The following SLC2A9 variants were observed in gnomAD, a reference collection of about 807,000 sequenced individuals.
SLC2A9 encodes solute carrier family 2 member 9.
Under a neutral mutation model 50.6 loss-of-function variants are expected in SLC2A9, and 39 were observed. The ratio of observed to expected loss-of-function variants is 0.77; its 90% confidence interval spans 0.60 to 1.01. The LOEUF (loss-of-function observed/expected upper bound fraction) is 1.01. Ranked by LOEUF, SLC2A9 falls within the 50% of genes least tolerant of loss-of-function variation. SLC2A9 has a pLI of 0.00. For synonymous variants in SLC2A9, 324 were observed against 276.9 expected (o/e 1.17, Z -1.69); for missense variants, 686 against 677.6 (o/e 1.01, Z -0.14).
At chr4:10,030,821 C>T (rs1266354924) in intron 1 of SLC2A9, among the ~76,000 whole-genome samples, 2 of 152,146 alleles carry the variant, frequency 1.3e-5, no homozygotes, top group African/African-American at 4.8e-5. Flanking sequence ...TAGACCCCAC[C>T]AGGCCGCTTT....
At chr4:9,829,549 G>A (rs1725713371) in intron 11 of SLC2A9, among the ~76,000 whole-genome samples, 1 of 150,758 alleles carries the variant, frequency 6.6e-6, no homozygotes, top group African/African-American at 2.4e-5. Context: ...CTTCTCCACT[G>A]CAAAAGAAAC....
intron 8 of SLC2A9, among the ~76,000 whole-genome samples, chr4:9,899,295 G>A (rs1739165949): frequency 6.6e-6 from 1 of 152,206 alleles, no homozygotes; most frequent in South Asian, 2.1e-4. Flanking sequence ...CAAAAGGATG[G>A]GAGAAAGGAG....
At chr4:10,033,729 G>A (rs554897490) in intron 1 of SLC2A9, among the ~76,000 whole-genome samples, 56 of 152,326 alleles carry the variant, frequency 3.7e-4, no homozygotes, top group Non-Finnish European at 7.8e-4. Flanking sequence ...AACACCTGCA[G>A]CTGCCTGGCC....
At chr4:9,857,546 G>A (rs1195191692) in intron 10 of SLC2A9, among the ~76,000 whole-genome samples, 1 of 152,180 alleles carries the variant, frequency 6.6e-6, no homozygotes, top group East Asian at 1.9e-4. Context: ...GGCTTTTGTT[G>A]GCTTTTCACA....
At chr4:9,973,150 G>A (rs1289855959) in intron 5 of SLC2A9, among the ~76,000 whole-genome samples, 3 of 152,178 alleles carry the variant, frequency 2.0e-5, no homozygotes, top group Non-Finnish European at 2.9e-5. Flanking sequence ...AATATCTTCA[G>A]AGACTATTAT....
At chr4:9,782,824 C>A (rs778270524) in intron 3 of SLC2A9, 2 of 1,613,326 alleles carry the variant, frequency 1.2e-6, no homozygotes, top group African/African-American at 1.3e-5. Context: ...TGGAGAGGGC[C>A]GCAGAGCACG....
chr4:10,000,761 C>A (rs1334524774), intron 2 of SLC2A9, among the ~76,000 whole-genome samples: 1 of 152,184 alleles, frequency 6.6e-6, no homozygotes, highest in East Asian at 1.9e-4. Flanking sequence ...CCTTACTAAA[C>A]CAGTGTGGAA....
chr4:9,985,936 C>T (rs1467575586), intron 3 of SLC2A9, 143 bp from the exon 4 acceptor site: 1 of 1,181,412 alleles, frequency 8.5e-7, no homozygotes, highest in Non-Finnish European at 1.2e-6. Context: ...CTGGCCTTGC[C>T]ACCTCTGGCT....
At chr4:9,852,228 G>A (rs1372794075) in intron 10 of SLC2A9, among the ~76,000 whole-genome samples, 1 of 150,756 alleles carries the variant, frequency 6.6e-6, no homozygotes. Flanking sequence ...GAAGATACTG[G>A]GGGCCTATAT....
At chr4:9,873,288 T>G (rs1419831375) in intron 10 of SLC2A9, among the ~76,000 whole-genome samples, 1 of 152,212 alleles carries the variant, frequency 6.6e-6, no homozygotes, top group Non-Finnish European at 1.5e-5. Context: ...TCTAGTAGGC[T>G]CTCAGTGATT....
chr4:10,011,695 T>C (rs1761786006), intron 2 of SLC2A9, among the ~76,000 whole-genome samples: 1 of 152,182 alleles, frequency 6.6e-6, no homozygotes, highest in African/African-American at 2.4e-5. Context: ...AGTAGATGGA[T>C]AGACAGAAAG....
At chr4:9,782,597 G>A in intron 3 of SLC2A9, 6 of 1,613,940 alleles carry the variant, frequency 3.7e-6, no homozygotes, top group African/African-American at 1.3e-5. Flanking sequence ...CTCTTGGGGC[G>A]GGCTGGACCT....
At chr4:9,858,087 A>G (rs1016222668) in intron 10 of SLC2A9, among the ~76,000 whole-genome samples, 1 of 152,186 alleles carries the variant, frequency 6.6e-6, no homozygotes, top group African/African-American at 2.4e-5. Flanking sequence ...GATTACCTAA[A>G]AGGGTTTATT....
At chr4:9,977,735 A>G (rs1486777547) in intron 5 of SLC2A9, among the ~76,000 whole-genome samples, 1 of 152,076 alleles carries the variant, frequency 6.6e-6, no homozygotes, top group Non-Finnish European at 1.5e-5. Flanking sequence ...CTGCTGCAGG[A>G]AAACCACCCC....
chr4:9,844,457 T>A (rs1728625866), intron 10 of SLC2A9, among the ~76,000 whole-genome samples: 1 of 152,264 alleles, frequency 6.6e-6, no homozygotes, highest in South Asian at 2.1e-4. Context: ...GTAATGCCAT[T>A]ATTTTTCCTT....
intron 10 of SLC2A9, among the ~76,000 whole-genome samples, chr4:9,867,956 C>A (rs1272645532): frequency 6.6e-6 from 1 of 152,148 alleles, no homozygotes; most frequent in Non-Finnish European, 1.5e-5. Flanking sequence ...ACTGCCCAGA[C>A]ACACTCAATT....
At chr4:9,858,558 T>G (rs1042271669) in intron 10 of SLC2A9, among the ~76,000 whole-genome samples, 7 of 152,106 alleles carry the variant, frequency 4.6e-5, no homozygotes, top group African/African-American at 1.7e-4. Flanking sequence ...ATCAGACATT[T>G]TGAGAGTGTA....
intron 3 of SLC2A9, among the ~76,000 whole-genome samples, chr4:9,987,981 G>A (rs533105835): frequency 5.3e-5 from 8 of 152,364 alleles, no homozygotes; most frequent in African/African-American, 1.2e-4. Flanking sequence ...AAGAACTAGC[G>A]TTTCCCCCCT....
intron 5 of SLC2A9, among the ~76,000 whole-genome samples, chr4:9,964,542 C>G (rs569982393): frequency 6.6e-6 from 1 of 152,142 alleles, no homozygotes; most frequent in East Asian, 1.9e-4. Flanking sequence ...CAAAGAGAAA[C>G]GGTAGGATTT....
Sources: gnomAD v4.1 joint callset for allele counts (sites outside exome capture counted in the v4.1 genomes callset) on GRCh38, gnomAD v4.1.1 for gene constraint, MANE v1.5 for transcripts, NCBI Gene and HGNC (gene_info 2026-07-23, HGNC 2026-07-21) for gene names.